BRD1: variants seen among roughly 807,000 people sequenced by gnomAD.
The protein encoded by BRD1 is bromodomain containing 1.
BRD1 carries 24 observed loss-of-function variants against 107.7 expected under a neutral mutation model. The observed-to-expected ratio is 0.22, with a 90% CI of 0.16 to 0.31. BRD1 has a LOEUF of 0.31. Ranked by LOEUF, BRD1 falls within the 10% of genes least tolerant of loss-of-function variation. The pLI is 1.00. For missense variants in BRD1, 1,279 were observed against 1,638.6 expected (o/e 0.78, Z 3.79); for synonymous variants, 744 against 686.1 (o/e 1.08, Z -1.32).
intron 11 of BRD1, 73 bp from the exon 12 acceptor site, chr22:49,775,818 C>T (rs889957614): frequency 5.5e-6 from 7 of 1,281,234 alleles, no homozygotes; most frequent in Non-Finnish European, 7.0e-6. Context: ...CACTGGCACC[C>T]CCCCCCGCCT....
Position 49,827,698 on chromosome 22 carries a change from C to T in BRD1, c.-216G>A, listed in dbSNP as rs1028463859. Among the ~76,000 whole-genome samples, 4 of 144,994 alleles carry T rather than the reference C, an allele frequency of 2.8e-5. No homozygotes were observed. Among genetic ancestry groups the T allele is most frequent in the African/African-American group, 9.9e-5 (4 of 40,466 alleles). The stretch of plus-strand genomic sequence containing the variant: ...GCGGCCGCGGACTCTCGGGCAGCGG[C>T]TCGCGCGGCGCGGGCTCGGGCTCGG... On this transcript the variant is annotated 5_prime_UTR_variant, in exon 1 of 13. Transcript: ENST00000404760.
chr22:49,778,724 C>G (rs990764989), intron 8 of BRD1, among the ~76,000 whole-genome samples: 2 of 152,078 alleles, frequency 1.3e-5, no homozygotes, highest in African/African-American at 4.8e-5. Flanking sequence ...TGCAGTGGCA[C>G]GATCTTGGCT....
At chr22:49,798,833 A>T in intron 4 of BRD1, 147 bp from the exon 5 acceptor site, 1 of 1,433,710 alleles carries the variant, frequency 7.0e-7, no homozygotes, top group East Asian at 2.5e-5. Flanking sequence ...AGGGCTCTGC[A>T]ACCCATGGCA....
In BRD1 at chr22:49,787,500, G is replaced by A. The variant is rs780503239; in HGVS notation, c.2747C>T (p.Ser916Phe). The A allele has an allele frequency of 1.2e-6, 2 of 1,614,154 alleles. No individual in the cohort carries two copies. The highest frequency in any genetic ancestry group is 2.2e-5 in the East Asian group (1 of 44,868). ...SPQLGTKTFLSVVLPRLETLL... is the reference protein window; with the variant it reads ...SPQLGTKTFLFVVLPRLETLL... ...AGTCTCCAACCTCGGAAGGACTACA[G>A]ACAAAAAGGTTTTGGTCCCTAGCTG... The change falls in exon 8 of 13, where the codon TCT becomes TTT. Residue 916 changes from serine to phenylalanine, a missense_variant. Physicochemically the swap from Ser to Phe is radical, Grantham distance 155. Around this residue, in one of 7 missense-constraint regions of BRD1, gnomAD observed 263 missense variants for 251.6 expected, o/e 1.05. Coordinates refer to ENST00000404760, the MANE Select transcript of BRD1 (RefSeq NM_001304808.3).
In BRD1 at chr22:49,777,712, T is replaced by A; in HGVS notation, c.2959A>T (p.Ile987Phe). Residue 987 changes from isoleucine to phenylalanine, a missense_variant, in exon 9 of 13, where the codon ATC becomes TTC. Ile to Phe is a conservative substitution (Grantham distance 21). Transcript: ENST00000404760. Reference sequence around the variant, plus strand: ...CAGAGCGGGCTGTTGCTGGAGGAGATGCTGGACTCGGAGGCACAGCGTCGT... The same window carrying A: ...CAGAGCGGGCTGTTGCTGGAGGAGAAGCTGGACTCGGAGGCACAGCGTCGT... ...PRRRCASESS[I>F]SSSNSPLCDS... 2.5e-6 allele frequency: 4 copies of A among 1,608,568 alleles called. No homozygotes were observed. The highest frequency in any genetic ancestry group is 3.4e-6 in the Non-Finnish European group (4 of 1,178,466).
At chr22:49,802,180 G>A (rs1480471940) in intron 3 of BRD1, among the ~76,000 whole-genome samples, 1 of 147,298 alleles carries the variant, frequency 6.8e-6, no homozygotes. Flanking sequence ...AACATCGCGG[G>A]GGCCGAGACC....
In BRD1 at chr22:49,779,962, C is replaced by T. The variant is rs141549619; in HGVS notation, c.2858-2149G>A. Among the ~76,000 whole-genome samples the T allele has an allele frequency of 9.2e-5, 14 of 152,238 alleles. No individual in the cohort carries two copies. In the East Asian group the frequency reaches 2.5e-3, roughly 27 times the overall value. On this transcript the variant is annotated intron_variant, in intron 8 of 12. Coordinates refer to ENST00000404760, the MANE Select transcript of BRD1 (RefSeq NM_001304808.3). The stretch of plus-strand genomic sequence containing the variant: ...GCCTGGCGACCCACACCCCACAGCC[C>T]GGCCCCCAGCACACTCCAGACCCCA...
intron 2 of BRD1, among the ~76,000 whole-genome samples, chr22:49,810,159 C>T (rs184014365): frequency 1.1e-4 from 17 of 152,166 alleles, no homozygotes; most frequent in Non-Finnish European, 2.4e-4. Context: ...AGAAAGCGAG[C>T]GAGCAAGCAA....
At chr22:49,814,959 C>T (rs17001324) in intron 2 of BRD1, among the ~76,000 whole-genome samples, 2,891 of 152,250 alleles carry the variant, frequency 0.019, 82 homozygotes, top group African/African-American at 0.066. Flanking sequence ...GAAGAGAACC[C>T]GGCCTAGAGG....
At chr22:49,788,589 G>C (rs1049242283) in intron 7 of BRD1, among the ~76,000 whole-genome samples, 5 of 152,220 alleles carry the variant, frequency 3.3e-5, no homozygotes, top group African/African-American at 1.2e-4. Flanking sequence ...ATAAAAACCG[G>C]AAGTGTGAAA....
intron 6 of BRD1, among the ~76,000 whole-genome samples, chr22:49,797,292 C>T (rs1184994619): frequency 6.6e-6 from 1 of 152,246 alleles, no homozygotes. Flanking sequence ...GCGCAAACCA[C>T]GAAGTTAAAG....
chr22:49,780,012 C>T (rs911509386), intron 8 of BRD1, among the ~76,000 whole-genome samples: 1 of 152,228 alleles, frequency 6.6e-6, no homozygotes, highest in Non-Finnish European at 1.5e-5. Context: ...CTGCTCCAGG[C>T]TGAACAGACG....
chr22:49,815,497 C>CT (rs2059932653), intron 2 of BRD1, among the ~76,000 whole-genome samples: 1 of 151,686 alleles, frequency 6.6e-6, no homozygotes, highest in African/African-American at 2.4e-5. Flanking sequence ...GAGCGTAGAT[C>CT]ACGCCACTGC....
intron 6 of BRD1, among the ~76,000 whole-genome samples, chr22:49,796,096 CT>C (rs60893505): frequency 0.34 from 49,277 of 144,352 alleles, 10,723 homozygotes; most frequent in African/African-American, 0.64. Context: ...ATTGTGTTTT[CT>C]TTTTTTTTTT....
chr22:49,824,554 G>A lies in BRD1; in HGVS notation c.-14-223C>T. 1 of 1,373,308 alleles carries A rather than the reference G, an allele frequency of 7.3e-7. No individual in the cohort carries two copies. The highest frequency in any genetic ancestry group is 9.4e-7 in the Non-Finnish European group (1 of 1,062,986). 85.1% of individuals were successfully genotyped at this position (1,373,308 alleles called of 1,614,324 possible). On this transcript the variant is annotated intron_variant, in intron 1 of 12. Coordinates refer to ENST00000404760, the MANE Select transcript of BRD1 (RefSeq NM_001304808.3). This position sits in a 1 kb window ranked among gnomAD's most constrained non-coding sequence, Gnocchi z 5.9. ...GCAGTAACAGGCAGAGAGGCAGCCT[G>A]AGGAGCCCTCCTGAGCACCTGCGTC...
Position 49,787,877 on chromosome 22 carries a change from A to G in BRD1, c.2370T>C (p.Ser790=), listed in dbSNP as rs1327663962. 6.6e-7 allele frequency: 1 copy of G among 1,514,878 alleles called. No individual in the cohort carries two copies. The highest frequency in any genetic ancestry group is 2.5e-5 in the East Asian group (1 of 40,474). The allele number at this position is 1,514,878 out of a possible 1,614,324, so 93.8% of individuals were successfully genotyped here. A position where few individuals can be genotyped will look rare whatever the true frequency, so the allele number is the denominator to read the frequency against. Reference sequence around the variant, plus strand: ...CATCTGATGGTTCAAGTTTAGGGGGAGATTTATCTCCTGAAAAAATTATAA... The same window carrying G: ...CATCTGATGGTTCAAGTTTAGGGGGGGATTTATCTCCTGAAAAAATTATAA... ...GPEAGEEGDK[S]PPKLEPSDAL... The change falls in exon 8 of 13, where the codon TCT becomes TCC. Residue 790 remains serine (S), a synonymous_variant. Coordinates refer to ENST00000404760, the MANE Select transcript of BRD1 (RefSeq NM_001304808.3).
At chr22:49,826,089 C>T in intron 1 of BRD1, 1 of 857,242 alleles carries the variant, frequency 1.2e-6, no homozygotes, top group Non-Finnish European at 1.4e-6. Flanking sequence ...GACCCTAGTG[C>T]ACCCGGGACG....
intron 8 of BRD1, among the ~76,000 whole-genome samples, chr22:49,779,857 C>A (rs1267081500): frequency 6.6e-6 from 1 of 152,138 alleles, no homozygotes; most frequent in Non-Finnish European, 1.5e-5. Flanking sequence ...CGGAGCCCAG[C>A]ACCCCTGCCA....
At position 49,824,900 on chromosome 22, in the gene BRD1, G is replaced by A. The variant is rs947109181; in HGVS notation, c.-14-569C>T. 2 of 836,556 alleles carry A rather than the reference G, an allele frequency of 2.4e-6. No homozygotes were observed. Among genetic ancestry groups the A allele is most frequent in the Middle Eastern group, 1.2e-3 (2 of 1,664 alleles). The allele number at this position is 836,556 out of a possible 1,614,324, so 51.8% of individuals were successfully genotyped here. On this transcript the variant is annotated intron_variant, in intron 1 of 12. Transcript: ENST00000404760. This position sits in a 1 kb window ranked among gnomAD's most constrained non-coding sequence, Gnocchi z 5.9. ...CAGTCCTTGCAGCATTCCTGCTGGG[G>A]CCAGGGGTAGGAGACAGATCACAGC...
Sources: allele counts gnomAD v4.1 joint callset (sites outside exome capture counted in the v4.1 genomes callset), GRCh38; gene constraint gnomAD v4.1.1; regional missense constraint gnomAD v4.1.1; non-coding constraint Gnocchi (gnomAD v3.1); transcripts MANE v1.5; gene names NCBI Gene and HGNC (gene_info 2026-07-23, HGNC 2026-07-21).